ZNF223: variants seen among roughly 807,000 people sequenced by gnomAD.
ZNF223 encodes zinc finger protein 223.
A neutral mutation model predicts 12.3 loss-of-function variants in ZNF223; 9 were observed. The observed-to-expected ratio is 0.73, with a 90% CI of 0.44 to 1.28. ZNF223 has a LOEUF of 1.28. Among genes scored for constraint, ZNF223 ranks in the 50% most tolerant of loss-of-function variants. ZNF223 has a pLI of 0.00. For missense variants in ZNF223, 506 were observed against 579.0 expected (o/e 0.87, Z 1.29); for synonymous variants, 171 against 195.2 (o/e 0.88, Z 1.03).
In ZNF223 at chr19:44,056,790, G is replaced by C. The variant is rs1214464926; in HGVS notation, c.15+1599G>C. ...TTTTTGTGTGTTTTTAGTAGAGACGGGGTTTCACCGTGTTAGCCAGGATGG... is the reference window on the plus strand; with the variant it reads ...TTTTTGTGTGTTTTTAGTAGAGACGCGGTTTCACCGTGTTAGCCAGGATGG... On this transcript the variant is annotated intron_variant, in intron 2 of 4. Transcript: ENST00000434772. 2.6e-5 allele frequency among the ~76,000 whole-genome samples: 4 copies of C among 151,490 alleles called. No homozygotes were observed. In the East Asian group the frequency reaches 7.9e-4, roughly 30 times the overall value.
intron 4 of ZNF223, chr19:44,063,267 G>A (rs1200684335): frequency 6.6e-6 from 1 of 152,280 alleles, no homozygotes; most frequent in Non-Finnish European, 1.5e-5. Flanking sequence ...CCTTGCAGGA[G>A]GGAGTGTGCA....
rs775187674 is a variant in ZNF223, at chr19:44,056,585, A to ATTTTTTTTTTTTTTTTTTT, written c.15+1402_15+1420dup. Among the ~76,000 whole-genome samples, 8 of 72,158 alleles carry ATTTTTTTTTTTTTTTTTTT rather than the reference A, an allele frequency of 1.1e-4. 1 individual carries two copies. Among genetic ancestry groups the ATTTTTTTTTTTTTTTTTTT allele is most frequent in the African/African-American group, 5.4e-4 (8 of 14,886 alleles). 47.3% of individuals were successfully genotyped at this position (72,158 alleles called of 152,430 possible). On this transcript the variant is annotated intron_variant, in intron 2 of 4. Coordinates refer to ENST00000434772, the MANE Select transcript of ZNF223 (RefSeq NM_013361.6). ...TCCTTATGGCATAAAATGCCTCACC[A>ATTTTTTTTTTTTTTTTTTT]TTTTTTTTTTTTTTTTTTTTTTTTT...
intron 4 of ZNF223, chr19:44,061,044 T>C (rs1976832086): frequency 1.9e-6 from 1 of 524,784 alleles, no homozygotes; most frequent in Non-Finnish European, 3.5e-6. Flanking sequence ...CCTTAGGACA[T>C]GGATGTCAGA....
chr19:44,060,310 A>C, intron 2 of ZNF223, 145 bp from the exon 3 acceptor site: 1 of 1,340,556 alleles, frequency 7.5e-7, no homozygotes, highest in Middle Eastern at 2.0e-4. Context: ...GACACAGACT[A>C]GAATGAATGG....
chr19:44,061,976 A>T (rs1976846194), intron 4 of ZNF223, among the ~76,000 whole-genome samples: 2 of 152,196 alleles, frequency 1.3e-5, no homozygotes, highest in African/African-American at 4.8e-5. Context: ...CTGATAGATC[A>T]CCTGTTCCCT....
rs184945719 is a variant in ZNF223 at position 44,060,633 on chromosome 19, G to A, written c.142+52G>A. 1.0e-4 allele frequency: 169 copies of A among 1,613,048 alleles called. 2 individuals carry two copies. In the African/African-American group the frequency reaches 2.0e-3, roughly 19 times the overall value. On this transcript the variant is annotated intron_variant, in intron 3 of 4. Coordinates refer to ENST00000434772, the MANE Select transcript of ZNF223 (RefSeq NM_013361.6). ...AATGTCAGGCCCCAGGAGTGGTTTT[G>A]TATCCTAGGGTGTTCAAGTTTGAGT...
At chr19:44,061,018 T>C (rs1340928327) in intron 4 of ZNF223, 177 bp downstream of exon 4, 17 of 601,708 alleles carry the variant, frequency 2.8e-5, no homozygotes, top group Non-Finnish European at 4.8e-5. Flanking sequence ...GTTCTCCTCA[T>C]GGCAGCTAAA....
rs1288007388 is a variant in ZNF223, at chr19:44,062,611, A to G, written c.235+1770A>G. 4.6e-5 allele frequency among the ~76,000 whole-genome samples: 7 copies of G among 152,006 alleles called. 1 individual carries two copies. The highest frequency in any genetic ancestry group is 1.7e-4 in the African/African-American group (7 of 41,424). The stretch of plus-strand genomic sequence containing the variant: ...GACATGATTGGTTTTATGTGTGTGC[A>G]GTTGACCCATGTCCTGTGGAAACTT... On this transcript the variant is annotated intron_variant, in intron 4 of 4. Coordinates refer to ENST00000434772, the MANE Select transcript of ZNF223 (RefSeq NM_013361.6).
At chr19:44,061,793 T>C (rs923508380) in intron 4 of ZNF223, among the ~76,000 whole-genome samples, 11 of 152,244 alleles carry the variant, frequency 7.2e-5, no homozygotes, top group African/African-American at 2.4e-4. Context: ...CTTGCTTTTC[T>C]CTCTGACTGG....
chr19:44,062,189 A>C (rs935594203), intron 4 of ZNF223, among the ~76,000 whole-genome samples: 1 of 152,200 alleles, frequency 6.6e-6, no homozygotes, highest in Admixed American at 6.5e-5. Context: ...GAAATATATT[A>C]GTCCCTTGGA....
chr19:44,065,267 T>C (rs946342926), intron 4 of ZNF223, among the ~76,000 whole-genome samples: 1 of 152,232 alleles, frequency 6.6e-6, no homozygotes, highest in Non-Finnish European at 1.5e-5. Flanking sequence ...CTCCTTTTCT[T>C]ATTTTTAAAA....
At chr19:44,060,285 G>A (rs1027366959) in intron 2 of ZNF223, 170 bp from the exon 3 acceptor site, 1 of 1,118,628 alleles carries the variant, frequency 8.9e-7, no homozygotes. Context: ...GACAATCAAG[G>A]TGTGTCATTG....
intron 2 of ZNF223, among the ~76,000 whole-genome samples, chr19:44,058,627 G>A (rs969198681): frequency 6.6e-6 from 1 of 152,234 alleles, no homozygotes; most frequent in African/African-American, 2.4e-5. Flanking sequence ...AAGGCCGGAG[G>A]TGTTGGCAGT....
chr19:44,056,258 G>C (rs924866660), intron 2 of ZNF223, among the ~76,000 whole-genome samples: 1 of 149,468 alleles, frequency 6.7e-6, no homozygotes, highest in African/African-American at 2.5e-5. Context: ...GCTCACACCT[G>C]TAATCCCAGC....
chr19:44,052,750 A>G (rs920349101), intron 1 of ZNF223, among the ~76,000 whole-genome samples: 4 of 152,152 alleles, frequency 2.6e-5, no homozygotes, highest in Admixed American at 6.5e-5. Context: ...GGAAGCCCAC[A>G]TACCACGGTA....
chr19:44,062,405 A>C (rs1021496365), intron 4 of ZNF223, among the ~76,000 whole-genome samples: 4 of 152,214 alleles, frequency 2.6e-5, no homozygotes, highest in Non-Finnish European at 5.9e-5. Flanking sequence ...AGTGTGTGAG[A>C]AATTCCAGTT....
rs546414764 is a variant in ZNF223, at chr19:44,066,836, G to A, written c.1008G>A (p.Thr336=). Residue 336 remains threonine (T), a synonymous_variant, in exon 5 of 5, where the codon ACG becomes ACA. Coordinates refer to ENST00000434772, the MANE Select transcript of ZNF223 (RefSeq NM_013361.6). ...IRRLDLCKHQ[T]IHTGEKPYNC... is the part of the protein sequence containing the mutation. The stretch of plus-strand genomic sequence containing the variant: ...GGCTGGATTTGTGTAAGCATCAGAC[G>A]ATCCACACAGGAGAGAAACCATATA... 6 of 1,613,966 alleles carry A rather than the reference G, an allele frequency of 3.7e-6. No homozygotes were observed. The highest frequency in any genetic ancestry group is 1.6e-4 in the Middle Eastern group (1 of 6,062).
chr19:44,061,021 C>CAGCTA (rs1976831760), intron 4 of ZNF223, 180 bp downstream of exon 4: 1 of 584,706 alleles, frequency 1.7e-6, no homozygotes, highest in African/African-American at 1.9e-5. Flanking sequence ...CTCCTCATGG[C>CAGCTA]AGCTAAAGTG....
chr19:44,061,477 C>T (rs1375811635), intron 4 of ZNF223, among the ~76,000 whole-genome samples: 1 of 152,204 alleles, frequency 6.6e-6, no homozygotes, highest in East Asian at 1.9e-4. Context: ...TTCCATTCCT[C>T]CATCTTTGAA....
Sources: gnomAD v4.1 joint callset for allele counts (sites outside exome capture counted in the v4.1 genomes callset) on GRCh38, gnomAD v4.1.1 for gene constraint, MANE v1.5 for transcripts, NCBI Gene and HGNC (gene_info 2026-07-23, HGNC 2026-07-21) for gene names.